Variants in FHIP1A observed in about 807,000 individuals in gnomAD.
FHIP1A encodes FHF complex subunit HOOK interacting protein 1A, also known as FHF complex subunit HOOK-interacting protein 1A.
In FHIP1A, 61 loss-of-function variants were observed where a neutral mutation model predicts 88.6. That is an observed-to-expected ratio of 0.69 (90% CI 0.56 to 0.85). FHIP1A has a LOEUF of 0.85. FHIP1A is among the 40% of genes least tolerant of loss of function. The pLI is 0.00. For missense variants in FHIP1A, 1,154 were observed against 1,273.5 expected (o/e 0.91, Z 1.43); for synonymous variants, 478 against 496.0 (o/e 0.96, Z 0.48).
intron 3 of FHIP1A, among the ~76,000 whole-genome samples, chr4:151,563,788 G>A (rs1247751545): frequency 6.6e-6 from 1 of 151,834 alleles, no homozygotes; most frequent in Non-Finnish European, 1.5e-5. Context: ...TCAGGAGTTC[G>A]AGACCAGCCT....
At chr4:151,651,066 T>C (rs998451996) in intron 11 of FHIP1A, among the ~76,000 whole-genome samples, 1 of 152,248 alleles carries the variant, frequency 6.6e-6, no homozygotes, top group African/African-American at 2.4e-5. Flanking sequence ...AGAGTCCGTG[T>C]TGGGTGACAG....
Position 151,586,694 on chromosome 4 carries a change from A to G in FHIP1A, c.786A>G (p.Glu262=), listed in dbSNP as rs1187923720. Residue 262 remains glutamate (E), a synonymous_variant, in exon 6 of 14, where the codon GAA becomes GAG. Coordinates refer to ENST00000435205, the MANE Select transcript of FHIP1A (RefSeq NM_001109977.3). ...GLYSSLPTKL[E]EKGEEWHCLL... Reference sequence around the variant, plus strand: ...ACTCTTCCCTGCCTACAAAGCTAGAAGAGAAAGGCGAGGAATGGCACTGCC... The same window carrying G: ...ACTCTTCCCTGCCTACAAAGCTAGAGGAGAAAGGCGAGGAATGGCACTGCC... 1.4e-5 allele frequency: 21 copies of G among 1,551,296 alleles called. No individual in the cohort carries two copies. In the East Asian group the frequency reaches 5.1e-4, roughly 38 times the overall value.
intron 1 of FHIP1A, among the ~76,000 whole-genome samples, chr4:151,432,546 G>A (rs1358317209): frequency 6.6e-6 from 1 of 152,214 alleles, no homozygotes; most frequent in African/African-American, 2.4e-5. Flanking sequence ...CAGATGGTCT[G>A]CAGAGAGTGA....
At chr4:151,457,511 T>A (rs1729008715) in intron 2 of FHIP1A, among the ~76,000 whole-genome samples, 1 of 152,300 alleles carries the variant, frequency 6.6e-6, no homozygotes, top group South Asian at 2.1e-4. Flanking sequence ...CCTCACAAAT[T>A]CTCCATGTTC....
In FHIP1A at chr4:151,649,530, G is replaced by A; in HGVS notation, c.1489G>A (p.Asp497Asn). 1 of 1,551,710 alleles carries A rather than the reference G, an allele frequency of 6.4e-7. No individual in the cohort carries two copies. Among genetic ancestry groups the A allele is most frequent in the Non-Finnish European group, 8.7e-7 (1 of 1,146,988 alleles). Residue 497 changes from aspartate (D) to asparagine (N), a missense_variant, in exon 11 of 14, where the codon GAC becomes AAC. By Grantham distance (23) the Asp-to-Asn change is conservative (BLOSUM62 1). Coordinates refer to ENST00000435205, the MANE Select transcript of FHIP1A (RefSeq NM_001109977.3). ...CATTGTGGAGTATGGGAAAGCCCTG[G>A]ACATCAGCTACCTGCAGTACCTGTG... is the stretch of plus-strand genomic sequence containing the variant. Reference protein sequence around the residue: ...ACIVEYGKALDISYLQYLWEA... With the variant: ...ACIVEYGKALNISYLQYLWEA...
intron 7 of FHIP1A, among the ~76,000 whole-genome samples, chr4:151,603,321 A>C (rs902011824): frequency 1.3e-4 from 19 of 151,988 alleles, no homozygotes; most frequent in African/African-American, 4.6e-4. Context: ...TGAAAAAAAA[A>C]AAAAGAGAGA....
At chr4:151,522,097 T>A (rs1485234924) in intron 3 of FHIP1A, among the ~76,000 whole-genome samples, 1 of 152,186 alleles carries the variant, frequency 6.6e-6, no homozygotes, top group Non-Finnish European at 1.5e-5. Context: ...TATGATCTAT[T>A]ATAAATCAAT....
At chr4:151,511,257 C>A (rs950897550) in intron 3 of FHIP1A, among the ~76,000 whole-genome samples, 1 of 152,168 alleles carries the variant, frequency 6.6e-6, no homozygotes. Flanking sequence ...TATTATTCGT[C>A]CATGGGGTAG....
intron 2 of FHIP1A, among the ~76,000 whole-genome samples, chr4:151,464,322 G>A (rs1729235760): frequency 6.6e-6 from 1 of 152,206 alleles, no homozygotes; most frequent in Non-Finnish European, 1.5e-5. Flanking sequence ...TAAAGGGATA[G>A]TAAAACCATT....
Position 151,566,367 on chromosome 4 carries a change from A to C in FHIP1A, c.105+3A>C. On this transcript the variant is annotated splice_donor_region_variant and intron_variant, in intron 4 of 13. Transcript: ENST00000435205. ...TATTTAAAAACCACTGGGCACAGGT[A>C]ATGTATGAATTCCACTTTTTTTGCT... The C allele has an allele frequency of 6.5e-7, 1 of 1,531,208 alleles. No homozygotes were observed. Among genetic ancestry groups the C allele is most frequent in the Non-Finnish European group, 8.9e-7 (1 of 1,128,312 alleles). 94.9% of individuals were successfully genotyped at this position (1,531,208 alleles called of 1,614,324 possible). A position where few individuals can be genotyped will look rare whatever the true frequency, so the allele number is the denominator to read the frequency against.
chr4:151,571,468 T>G (rs911482383), intron 4 of FHIP1A, among the ~76,000 whole-genome samples: 1 of 152,134 alleles, frequency 6.6e-6, no homozygotes, highest in East Asian at 1.9e-4. Flanking sequence ...CCATCTAGAT[T>G]GGTTAATTAA....
intron 1 of FHIP1A, among the ~76,000 whole-genome samples, chr4:151,416,588 T>C (rs1732899830): frequency 1.3e-5 from 2 of 152,200 alleles, no homozygotes; most frequent in African/African-American, 2.4e-5. Context: ...CTTCAGGTCA[T>C]TTAATAGAAA....
At chr4:151,479,989 G>A (rs1353338619) in intron 2 of FHIP1A, among the ~76,000 whole-genome samples, 1 of 152,092 alleles carries the variant, frequency 6.6e-6, no homozygotes, top group African/African-American at 2.4e-5. Context: ...GAAAGCATTT[G>A]CCTGGGGAGA....
At chr4:151,634,748 T>C (rs578035838) in intron 8 of FHIP1A, among the ~76,000 whole-genome samples, 1 of 151,854 alleles carries the variant, frequency 6.6e-6, no homozygotes, top group African/African-American at 2.4e-5. Context: ...ATAAAAAAAT[T>C]AACTCAAAAT....
intron 8 of FHIP1A, among the ~76,000 whole-genome samples, chr4:151,632,707 A>G (rs1736201363): frequency 6.6e-6 from 1 of 152,086 alleles, no homozygotes; most frequent in Non-Finnish European, 1.5e-5. Flanking sequence ...TTATGAATAC[A>G]TACAAATTAA....
chr4:151,597,413 A>G (rs1734691871), intron 7 of FHIP1A, among the ~76,000 whole-genome samples: 1 of 152,074 alleles, frequency 6.6e-6, no homozygotes, highest in South Asian at 2.1e-4. Flanking sequence ...TTCGTCCCAG[A>G]GGGTCACCCG....
chr4:151,473,992 A>G (rs1462381198), intron 2 of FHIP1A, among the ~76,000 whole-genome samples: 1 of 152,200 alleles, frequency 6.6e-6, no homozygotes, highest in Non-Finnish European at 1.5e-5. Flanking sequence ...ACAACTCATA[A>G]TACAGCTCTA....
intron 3 of FHIP1A, among the ~76,000 whole-genome samples, chr4:151,563,806 A>G (rs1733266307): frequency 6.6e-6 from 1 of 152,042 alleles, no homozygotes; most frequent in Non-Finnish European, 1.5e-5. Flanking sequence ...CCTGGGCAAC[A>G]TAGGGAGACC....
intron 5 of FHIP1A, among the ~76,000 whole-genome samples, chr4:151,581,230 A>C (rs1163231734): frequency 6.6e-6 from 1 of 152,188 alleles, no homozygotes; most frequent in East Asian, 1.9e-4. Context: ...TATACAGTAG[A>C]AGTACAAAAT....
Sources: allele counts gnomAD v4.1 joint callset (sites outside exome capture counted in the v4.1 genomes callset), GRCh38; gene constraint gnomAD v4.1.1; transcripts MANE v1.5; gene names NCBI Gene and HGNC (gene_info 2026-07-23, HGNC 2026-07-21).